Variants in FAM241A observed in about 807,000 individuals in gnomAD.
FAM241A encodes family with sequence similarity 241 member A.
FAM241A carries 7 observed loss-of-function variants against 12.2 expected under a neutral mutation model. The observed-to-expected ratio is 0.58, with a 90% CI of 0.33 to 1.08. FAM241A has a LOEUF of 1.08. Ranked by LOEUF, FAM241A falls within the 50% of genes least tolerant of loss-of-function variation. The pLI is 0.04. For missense variants in FAM241A, 161 were observed against 169.7 expected, an observed-to-expected ratio of 0.95 and a Z score of 0.29; for synonymous variants, 74 against 68.2, an observed-to-expected ratio of 1.08 and a Z score of -0.42.
rs1174879566 is a variant in FAM241A at position 112,188,313 on chromosome 4, A to G, written c.*1375A>G. The stretch of plus-strand genomic sequence containing the variant: ...TGTAGAGTGCTTGCTATCCCACTTC[A>G]TAAAGCTTTTACCCAATCTTATTTC... On this transcript the variant is annotated 3_prime_UTR_variant, in exon 2 of 2. Coordinates refer to ENST00000309733, the MANE Select transcript of FAM241A (RefSeq NM_152400.3). The G allele has an allele frequency of 6.6e-6, 1 of 152,162 alleles. No homozygotes were observed. The highest frequency in any genetic ancestry group is 1.9e-4 in the East Asian group (1 of 5,196). The allele number at this position is 152,162 out of a possible 1,614,324, so 9.4% of individuals were successfully genotyped here.
In FAM241A at chr4:112,191,501, G is replaced by T. The variant is rs756369240; in HGVS notation, c.*4563G>T. ...AGGCTCTTCATGTACTGGTTCTTGC[G>T]TACCTCATCTCTCTATACTGCCACT... is the stretch of plus-strand genomic sequence containing the variant. On this transcript the variant is annotated 3_prime_UTR_variant, in exon 2 of 2. Transcript: ENST00000309733. 6.6e-6 allele frequency: 1 copy of T among 152,100 alleles called. No individual in the cohort carries two copies. Among genetic ancestry groups the T allele is most frequent in the South Asian group, 2.1e-4 (1 of 4,822 alleles). The allele number at this position is 152,100 out of a possible 1,614,324, so 9.4% of individuals were successfully genotyped here. A position where few individuals can be genotyped will look rare whatever the true frequency, so the allele number is the denominator to read the frequency against.
At chr4:112,170,588 A>G (rs377640988) in intron 1 of FAM241A, among the ~76,000 whole-genome samples, 216 of 152,334 alleles carry the variant, frequency 1.4e-3, no homozygotes, top group African/African-American at 5.0e-3. Context: ...CAGCATGGAT[A>G]CACTGGACAA....
At chr4:112,178,142 T>G (rs935484489) in intron 1 of FAM241A, among the ~76,000 whole-genome samples, 1 of 152,260 alleles carries the variant, frequency 6.6e-6, no homozygotes, top group South Asian at 2.1e-4. Flanking sequence ...AGAAATAATT[T>G]TATAGCAAAA....
chr4:112,147,285 C>T (rs1237506608), intron 1 of FAM241A, among the ~76,000 whole-genome samples: 1 of 152,124 alleles, frequency 6.6e-6, no homozygotes, highest in East Asian at 1.9e-4. Context: ...GTTCATTCTC[C>T]TGTACTCCTT....
intron 1 of FAM241A, among the ~76,000 whole-genome samples, chr4:112,160,153 T>A (rs1337801359): frequency 6.6e-6 from 1 of 152,160 alleles, no homozygotes; most frequent in Non-Finnish European, 1.5e-5. Flanking sequence ...ATGCCTATAA[T>A]CCCAGCACTT....
At chr4:112,180,613 TGTG>T (rs1385526429) in intron 1 of FAM241A, among the ~76,000 whole-genome samples, 1 of 152,120 alleles carries the variant, frequency 6.6e-6, no homozygotes, top group Non-Finnish European at 1.5e-5. Context: ...GTAAAAATGA[TGTG>T]GTATAAAATT....
At chr4:112,155,197 A>T (rs1369673497) in intron 1 of FAM241A, among the ~76,000 whole-genome samples, 6 of 152,172 alleles carry the variant, frequency 3.9e-5, no homozygotes, top group Non-Finnish European at 7.3e-5. Flanking sequence ...AGCTGTTCCA[A>T]TACGTCTGTT....
intron 1 of FAM241A, among the ~76,000 whole-genome samples, chr4:112,151,251 C>G (rs1051910190): frequency 2.6e-5 from 4 of 152,090 alleles, no homozygotes; most frequent in African/African-American, 9.7e-5. Context: ...CCCTCTCTCT[C>G]CTTCCCTCCC....
chr4:112,179,446 ACTAT>A (rs1436107227), intron 1 of FAM241A, among the ~76,000 whole-genome samples: 1 of 152,126 alleles, frequency 6.6e-6, no homozygotes, highest in Non-Finnish European at 1.5e-5. Flanking sequence ...TTCTCAGCAA[ACTAT>A]CGCAAGGACA....
At chr4:112,159,267 C>CAG (rs1723413877) in intron 1 of FAM241A, among the ~76,000 whole-genome samples, 1 of 152,180 alleles carries the variant, frequency 6.6e-6, no homozygotes, top group South Asian at 2.1e-4. Context: ...TATCTTTCTT[C>CAG]AATCTAGATT....
intron 1 of FAM241A, among the ~76,000 whole-genome samples, chr4:112,166,046 ATT>A (rs34666622): frequency 1.4e-4 from 19 of 137,534 alleles, no homozygotes; most frequent in Admixed American, 2.2e-4. Flanking sequence ...TGTACTCAGA[ATT>A]TTTTTTTTTT....
Position 112,193,823 on chromosome 4 carries a change from C to A in FAM241A, c.*6885C>A, listed in dbSNP as rs1463778164. On this transcript the variant is annotated 3_prime_UTR_variant, in exon 2 of 2. Transcript: ENST00000309733. ...TTCTTTTGGCTTAGGATTGACTTGG[C>A]GATGCGGGCTCTTTTTTGGTTCCAT... 6.6e-6 allele frequency: 1 copy of A among 150,636 alleles called. No homozygotes were observed. The highest frequency in any genetic ancestry group is 2.1e-4 in the South Asian group (1 of 4,720). The allele number at this position is 150,636 out of a possible 1,614,324, so 9.3% of individuals were successfully genotyped here. A position where few individuals can be genotyped will look rare whatever the true frequency, so the allele number is the denominator to read the frequency against.
intron 1 of FAM241A, among the ~76,000 whole-genome samples, chr4:112,157,928 A>G (rs1021160753): frequency 1.3e-5 from 2 of 152,150 alleles, no homozygotes; most frequent in African/African-American, 2.4e-5. Flanking sequence ...GTAGAGGCAC[A>G]TTTCATTTAA....
intron 1 of FAM241A, among the ~76,000 whole-genome samples, chr4:112,168,354 A>G (rs894627208): frequency 4.6e-5 from 7 of 152,222 alleles, no homozygotes; most frequent in African/African-American, 1.7e-4. Flanking sequence ...ATAGCTTAAT[A>G]GATATTTCAT....
intron 1 of FAM241A, among the ~76,000 whole-genome samples, chr4:112,149,972 C>T (rs1378604004): frequency 1.3e-5 from 2 of 151,748 alleles, no homozygotes; most frequent in East Asian, 1.9e-4. Flanking sequence ...TTGGTAATTT[C>T]GTATATACAC....
chr4:112,178,511 T>C (rs965717514), intron 1 of FAM241A, among the ~76,000 whole-genome samples: 1 of 152,134 alleles, frequency 6.6e-6, no homozygotes, highest in African/African-American at 2.4e-5. Flanking sequence ...GATCAAAATA[T>C]TTACATGTAA....
intron 1 of FAM241A, among the ~76,000 whole-genome samples, chr4:112,160,677 A>G (rs1461391446): frequency 1.3e-5 from 2 of 152,222 alleles, no homozygotes; most frequent in Non-Finnish European, 2.9e-5. Context: ...TTTAGTAACC[A>G]AAACAGTGTG....
intron 1 of FAM241A, among the ~76,000 whole-genome samples, chr4:112,147,812 A>G (rs1723170812): frequency 6.6e-6 from 1 of 152,174 alleles, no homozygotes; most frequent in South Asian, 2.1e-4. Context: ...GAACTTTTCC[A>G]TGAAAACAAT....
At chr4:112,176,278 G>A (rs1232238659) in intron 1 of FAM241A, among the ~76,000 whole-genome samples, 1 of 152,092 alleles carries the variant, frequency 6.6e-6, no homozygotes, top group Non-Finnish European at 1.5e-5. Flanking sequence ...ATAGAGAATA[G>A]AAGTAAAAAT....
Sources: gnomAD v4.1 joint callset for allele counts (sites outside exome capture counted in the v4.1 genomes callset) on GRCh38, gnomAD v4.1.1 for gene constraint, MANE v1.5 for transcripts, NCBI Gene and HGNC (gene_info 2026-07-23, HGNC 2026-07-21) for gene names.